The following FOXO1 variants were observed in gnomAD, a reference collection of about 807,000 sequenced individuals.
FOXO1 encodes forkhead box protein O1.
A neutral mutation model predicts 44.1 loss-of-function variants in FOXO1; 6 were observed. That is an observed-to-expected ratio of 0.14 (90% confidence interval 0.07 to 0.27). The LOEUF (loss-of-function observed/expected upper bound fraction) is 0.27, where lower values mean the gene tolerates loss of function less well. Ranked by LOEUF, FOXO1 falls within the 10% of genes least tolerant of loss-of-function variation. The probability of loss-of-function intolerance (pLI) is 1.00; values close to 1 mark genes in which losing one functional copy is unlikely to be tolerated. For missense variants in FOXO1, 737 were observed against 888.8 expected (o/e 0.83, Z 2.17); for synonymous variants, 380 against 362.7 (o/e 1.05, Z -0.54).
At chr13:40,592,066 TA>T (rs1429645435) in intron 1 of FOXO1, among the ~76,000 whole-genome samples, 1 of 152,178 alleles carries the variant, frequency 6.6e-6, no homozygotes, top group Non-Finnish European at 1.5e-5. Flanking sequence ...GCCAGTAGAT[TA>T]AATGAAATAA....
At chr13:40,644,252 T>C (rs1483405018) in intron 1 of FOXO1, among the ~76,000 whole-genome samples, 1 of 152,116 alleles carries the variant, frequency 6.6e-6, no homozygotes, top group African/African-American at 2.4e-5. Context: ...GTGGGAAAAC[T>C]GAGACAAAGG....
intron 1 of FOXO1, among the ~76,000 whole-genome samples, chr13:40,636,809 A>C (rs1356688696): frequency 3.9e-5 from 6 of 152,170 alleles, no homozygotes; most frequent in Non-Finnish European, 1.5e-5. Context: ...AATAATAATA[A>C]TATTGTTTTA....
At chr13:40,571,247 A>G (rs1479053774) in intron 1 of FOXO1, among the ~76,000 whole-genome samples, 2 of 152,124 alleles carry the variant, frequency 1.3e-5, no homozygotes, top group Non-Finnish European at 2.9e-5. Flanking sequence ...GGGGAGGGAT[A>G]GCATTAGGAG....
chr13:40,662,391 G>C (rs1369638093), intron 1 of FOXO1, among the ~76,000 whole-genome samples: 2 of 151,808 alleles, frequency 1.3e-5, no homozygotes, highest in Admixed American at 1.3e-4. Context: ...GCTTTAGAAG[G>C]CTTTCTATGT....
At chr13:40,614,273 C>T (rs1876337425) in intron 1 of FOXO1, among the ~76,000 whole-genome samples, 1 of 152,208 alleles carries the variant, frequency 6.6e-6, no homozygotes, top group Admixed American at 6.5e-5. Context: ...AATTTTAAAG[C>T]TAGATATGTT....
chr13:40,608,761 T>C (rs1876115473), intron 1 of FOXO1, among the ~76,000 whole-genome samples: 1 of 152,216 alleles, frequency 6.6e-6, no homozygotes, highest in Admixed American at 6.5e-5. Flanking sequence ...TTAAGGTAGG[T>C]ATTATATAAG....
chr13:40,659,464 AT>A (rs781449389), intron 1 of FOXO1, among the ~76,000 whole-genome samples: 1,713 of 146,534 alleles, frequency 0.012, 14 homozygotes, highest in East Asian at 0.036. Context: ...CTCTCCCTTG[AT>A]TTTTTTTTTT....
rs949167900 is a variant in FOXO1 at position 40,620,128 on chromosome 13, C to G, written c.630+45455G>C. ...AGAACACAGAGGTACTGCATATACC[C>G]CATTCTCTAATTCAAGACTTATGTC... On this transcript the variant is annotated intron_variant, in intron 1 of 2. Transcript: ENST00000379561. 8 of 1,300,980 alleles carry G rather than the reference C, an allele frequency of 6.1e-6. No individual in the cohort carries two copies. The African/African-American group carries it at 1.0e-4, about 17-fold the overall frequency. 80.6% of individuals were successfully genotyped at this position (1,300,980 alleles called of 1,614,324 possible).
chr13:40,619,140 A>G (rs971608824), intron 1 of FOXO1: 8 of 357,020 alleles, frequency 2.2e-5, no homozygotes, highest in Non-Finnish European at 4.3e-5. Flanking sequence ...ATAAAAAATT[A>G]GCCGGGTGTG....
intron 1 of FOXO1, among the ~76,000 whole-genome samples, chr13:40,623,774 T>C (rs1046920592): frequency 2.6e-5 from 4 of 152,016 alleles, no homozygotes; most frequent in African/African-American, 7.3e-5. Flanking sequence ...CATCCCATAA[T>C]GAGAAAGGGG....
intron 1 of FOXO1, among the ~76,000 whole-genome samples, chr13:40,625,655 CT>C (rs1265276670): frequency 8.6e-6 from 1 of 116,432 alleles, no homozygotes; most frequent in African/African-American, 3.7e-5. Flanking sequence ...CTTGCTTTCA[CT>C]TTAAAAAAAA....
Position 40,560,496 on chromosome 13 carries a change from A to G in FOXO1, c.995T>C (p.Met332Thr). The G allele has an allele frequency of 6.2e-7, 1 of 1,614,222 alleles. No individual in the cohort carries two copies. Among genetic ancestry groups the G allele is most frequent in the Non-Finnish European group, 8.5e-7 (1 of 1,180,034 alleles). Residue 332 changes from methionine (M) to threonine (T), a missense_variant, in exon 2 of 3, where the codon ATG becomes ACG. This residue lies in a region of FOXO1 where 136 missense variants were observed against 186.4 expected (regional missense o/e 0.73). Transcript: ENST00000379561. This position sits in a 1 kb window ranked among gnomAD's most constrained non-coding sequence, Gnocchi z 5.1. ...TTCTCCAAGATCATCCTGTTCGGTC[A>G]TAATGGGTGAGAGTCTCCCACTAAT... is the stretch of plus-strand genomic sequence containing the variant. The part of the protein sequence containing the change: ...STISGRLSPI[M>T]TEQDDLGEGD...
chr13:40,605,616 C>T (rs1875966948), intron 1 of FOXO1, among the ~76,000 whole-genome samples: 1 of 152,152 alleles, frequency 6.6e-6, no homozygotes, highest in South Asian at 2.1e-4. Flanking sequence ...ACAGCCTCAG[C>T]CTGTTGAAAT....
intron 1 of FOXO1, chr13:40,620,298 G>A: frequency 2.0e-6 from 2 of 1,015,466 alleles, no homozygotes; most frequent in Admixed American, 1.7e-5. Context: ...CTCATCCAGA[G>A]TAGGGCTAAC....
intron 1 of FOXO1, among the ~76,000 whole-genome samples, chr13:40,645,590 C>T (rs1184152962): frequency 1.3e-5 from 2 of 152,134 alleles, no homozygotes; most frequent in African/African-American, 2.4e-5. Context: ...AAAACTCACA[C>T]CAGCAACCAG....
chr13:40,634,295 G>C (rs1877069356), intron 1 of FOXO1, among the ~76,000 whole-genome samples: 3 of 152,108 alleles, frequency 2.0e-5, no homozygotes, highest in African/African-American at 7.2e-5. Context: ...CAATTTAACT[G>C]GTTCATATCC....
chr13:40,618,853 G>T (rs1159812981), intron 1 of FOXO1: 2 of 527,204 alleles, frequency 3.8e-6, no homozygotes, highest in African/African-American at 1.9e-5. Flanking sequence ...CAGAGAAGAG[G>T]CCTGAGAACT....
intron 1 of FOXO1, among the ~76,000 whole-genome samples, chr13:40,570,890 G>A (rs372331976): frequency 6.6e-6 from 1 of 152,192 alleles, no homozygotes; most frequent in Non-Finnish European, 1.5e-5. Flanking sequence ...AGGCAGAAAC[G>A]AGCAATCCCC....
chr13:40,659,314 C>CAAAAAAAAAAAA (rs1210028542), intron 1 of FOXO1, among the ~76,000 whole-genome samples: 8 of 87,554 alleles, frequency 9.1e-5, no homozygotes, highest in East Asian at 2.9e-4. Flanking sequence ...GACTCCGTCT[C>CAAAAAAAAAAAA]AAAAAAAAAA....
Sources: gnomAD v4.1 joint callset for allele counts (sites outside exome capture counted in the v4.1 genomes callset) on GRCh38, gnomAD v4.1.1 for gene constraint, gnomAD v4.1.1 regional missense constraint, Gnocchi (gnomAD v3.1) non-coding constraint, MANE v1.5 for transcripts, NCBI Gene and HGNC (gene_info 2026-07-23, HGNC 2026-07-21) for gene names.